CEP164: variants seen among roughly 807,000 people sequenced by gnomAD.
CEP164 encodes the protein centrosomal protein of 164 kDa.
A neutral mutation model predicts 182.7 loss-of-function variants in CEP164; 162 were observed. The ratio of observed to expected loss-of-function variants is 0.89; its 90% CI spans 0.78 to 1.01. The LOEUF is 1.01. Among genes scored for constraint, CEP164 ranks in the 50% least tolerant of loss-of-function variants. The probability of loss-of-function intolerance (pLI) is 0.00; values close to 1 mark genes in which losing one functional copy is unlikely to be tolerated. For missense variants in CEP164, 1,735 were observed against 1,790.4 expected, an observed-to-expected ratio of 0.97 and a Z score of 0.56; for synonymous variants, 661 against 690.0, an observed-to-expected ratio of 0.96 and a Z score of 0.66.
In CEP164 at chr11:117,361,804, G is replaced by T. The variant is rs1341775629; in HGVS notation, c.394-31G>T. The T allele has an allele frequency of 1.9e-6, 3 of 1,613,624 alleles. No homozygotes were observed. The African/African-American group carries it at 4.0e-5, about 22-fold the overall frequency. On this transcript the variant is annotated intron_variant, in intron 5 of 32. Transcript: ENST00000278935. ...CACTCCCAGAGCCACCTGGTTTCTT[G>T]AGTTGTAACAAGATGTTTTCTGTTG...
At chr11:117,325,174 TCTC>T, upstream of CEP164, among the ~76,000 whole-genome samples, 1 of 152,236 alleles carries the variant, frequency 6.6e-6, no homozygotes, top group Non-Finnish European at 1.5e-5. Context: ...AACCCCTGCC[TCTC>T]GGGTTCAAGC....
chr11:117,398,274 C>T (rs1355513189), intron 27 of CEP164, among the ~76,000 whole-genome samples: 2 of 152,236 alleles, frequency 1.3e-5, no homozygotes, highest in Admixed American at 6.5e-5. Context: ...GGCAGCTCCG[C>T]CCCTGTGGCT....
chr11:117,402,893 G>C (rs1450246487), intron 27 of CEP164, among the ~76,000 whole-genome samples: 2 of 152,140 alleles, frequency 1.3e-5, no homozygotes, highest in East Asian at 3.9e-4. Context: ...ATTTTGGATA[G>C]TTAGCTCTTC....
At chr11:117,368,184 G>A (rs1004502603) in intron 8 of CEP164, among the ~76,000 whole-genome samples, 3 of 152,202 alleles carry the variant, frequency 2.0e-5, no homozygotes, top group Non-Finnish European at 4.4e-5. Context: ...ATATGATGGG[G>A]AAGGCTCATT....
At chr11:117,334,313 C>CT (rs941355186) in intron 1 of CEP164, among the ~76,000 whole-genome samples, 4 of 152,160 alleles carry the variant, frequency 2.6e-5, no homozygotes, top group Non-Finnish European at 5.9e-5. Context: ...TTCCTTTTTT[C>CT]TTTAACTCAT....
intron 5 of CEP164, among the ~76,000 whole-genome samples, chr11:117,353,772 G>A (rs1421707243): frequency 6.6e-6 from 1 of 152,158 alleles, no homozygotes; most frequent in Non-Finnish European, 1.5e-5. Context: ...CTCACAGTCA[G>A]GTGGGGTTCA....
intron 12 of CEP164, 61 bp downstream of exon 12, chr11:117,380,766 G>C (rs1238604196): frequency 6.7e-7 from 1 of 1,492,918 alleles, no homozygotes; most frequent in Non-Finnish European, 9.1e-7. Flanking sequence ...GACTTGGGCA[G>C]AATTCTTGGC....
chr11:117,346,307 C>T lies in CEP164; in HGVS notation c.194+2030C>T, dbSNP rs908873016. Among the ~76,000 whole-genome samples, 20 of 150,682 alleles carry T rather than the reference C, an allele frequency of 1.3e-4. No individual in the cohort carries two copies. The South Asian group carries it at 2.7e-3, about 21-fold the overall frequency. On this transcript the variant is annotated intron_variant, in intron 4 of 32. Transcript: ENST00000278935. Reference sequence around the variant, plus strand: ...TTTTTGAGATGGAGTCTTGCTCTGTCGCCCAGGCTGGAGTGCAATGGCGCA... The same window carrying T: ...TTTTTGAGATGGAGTCTTGCTCTGTTGCCCAGGCTGGAGTGCAATGGCGCA...
chr11:117,322,403 C>T (rs1041561726), intron 1 of CEP164, among the ~76,000 whole-genome samples: 6 of 152,150 alleles, frequency 3.9e-5, no homozygotes, highest in Non-Finnish European at 5.9e-5. Context: ...CGTGAGCCAC[C>T]GCGCCCGGCC....
At position 117,387,425 on chromosome 11, in the gene CEP164, C is replaced by T; in HGVS notation, c.1934+13C>T. The T allele has an allele frequency of 1.2e-6, 2 of 1,613,248 alleles. No homozygotes were observed. Among genetic ancestry groups the T allele is most frequent in the Middle Eastern group, 1.7e-4 (1 of 6,054 alleles). On this transcript the variant is annotated intron_variant, in intron 15 of 32. Coordinates refer to ENST00000278935, the MANE Select transcript of CEP164 (RefSeq NM_014956.5). ...AGCAATCTCTCAGGTCCTGCCCTTC[C>T]CCTTAGGCATGCTTCCTGGGGCCTT...
rs1404801836 is a variant in CEP164 at position 117,409,861 on chromosome 11, C to T, written c.3992C>T (p.Ser1331Phe). 1 of 1,613,194 alleles carries T rather than the reference C, an allele frequency of 6.2e-7. No homozygotes were observed. The highest frequency in any genetic ancestry group is 8.5e-7 in the Non-Finnish European group (1 of 1,179,844). ...FSALSSATPTSTQWAWDSGQG... is the reference protein window; with the variant it reads ...FSALSSATPTFTQWAWDSGQG... ...GCCTTATCATCTGCTACACCCACGTCCACCCAATGGGCCTGGGATTCAGGG... is the reference window on the plus strand; with the variant it reads ...GCCTTATCATCTGCTACACCCACGTTCACCCAATGGGCCTGGGATTCAGGG... Residue 1331 changes from serine (S) to phenylalanine (F), a missense_variant, in exon 30 of 33, where the codon TCC becomes TTC. Ser to Phe is a radical substitution (Grantham distance 155). Coordinates refer to ENST00000278935, the MANE Select transcript of CEP164 (RefSeq NM_014956.5). The surrounding 1 kb of genome is among the most constrained non-coding windows in gnomAD (Gnocchi z 4.4).
At chr11:117,396,004 C>T in intron 24 of CEP164, 50 bp from the exon 25 acceptor site, 1 of 1,610,844 alleles carries the variant, frequency 6.2e-7, no homozygotes, top group Admixed American at 1.7e-5. Flanking sequence ...TCACCCCTCC[C>T]CCCCATCGCC....
rs753512329 is a variant in CEP164 at position 117,396,530 on chromosome 11, T to A, written c.3217-20T>A. 14 of 1,610,244 alleles carry A rather than the reference T, an allele frequency of 8.7e-6. No individual in the cohort carries two copies. Among genetic ancestry groups the A allele is most frequent in the Non-Finnish European group, 1.0e-5 (12 of 1,176,470 alleles). On this transcript the variant is annotated intron_variant, in intron 25 of 32. Transcript: ENST00000278935. Reference sequence around the variant, plus strand: ...CTGCTTTTGCTACACTCAGTGGACTTTTCTACCATGTGTCCCTAGAACCAG... The same window carrying A: ...CTGCTTTTGCTACACTCAGTGGACTATTCTACCATGTGTCCCTAGAACCAG...
At chr11:117,406,643 CA>C (rs574646233) in intron 27 of CEP164, among the ~76,000 whole-genome samples, 118 of 152,310 alleles carry the variant, frequency 7.7e-4, no homozygotes, top group African/African-American at 2.8e-3. Flanking sequence ...ACACACTTAG[CA>C]AAAGGCTTTG....
At chr11:117,344,097 G>GA in intron 3 of CEP164, 69 bp from the exon 4 acceptor site, 1 of 839,714 alleles carries the variant, frequency 1.2e-6, no homozygotes, top group Non-Finnish European at 1.9e-6. Context: ...AGACAAAGTA[G>GA]AAAAAAGATT....
At chr11:117,375,469 C>A (rs1278648857) in intron 10 of CEP164, among the ~76,000 whole-genome samples, 1 of 152,194 alleles carries the variant, frequency 6.6e-6, no homozygotes, top group African/African-American at 2.4e-5. Context: ...ACAGTGAATA[C>A]CCACATACTC....
In CEP164 at chr11:117,408,970, C is replaced by T; in HGVS notation, c.3690C>T (p.Ser1230=). The T allele has an allele frequency of 6.2e-7, 1 of 1,614,102 alleles. No individual in the cohort carries two copies. Among genetic ancestry groups the T allele is most frequent in the Non-Finnish European group, 8.5e-7 (1 of 1,180,002 alleles). Residue 1230 remains serine, a synonymous_variant, in exon 29 of 33, where the codon AGC becomes AGT. Transcript: ENST00000278935. Reference sequence around the variant, plus strand: ...ACCTCAGTGACATGGACAGCCTGAGCAGTGAAAGTTCTGAATCTTTTTCCC... The same window carrying T: ...ACCTCAGTGACATGGACAGCCTGAGTAGTGAAAGTTCTGAATCTTTTTCCC... ...TFDLSDMDSL[S]SESSESFSPP... is the part of the protein sequence containing the mutation.
At position 117,411,039 on chromosome 11, in the gene CEP164, C is replaced by A. The variant is rs1379681842; in HGVS notation, c.4163+145C>A. 3 of 706,836 alleles carry A rather than the reference C, an allele frequency of 4.2e-6. No homozygotes were observed. Among genetic ancestry groups the A allele is most frequent in the Admixed American group, 2.3e-5 (1 of 43,766 alleles). The allele number at this position is 706,836 out of a possible 1,614,324, so 43.8% of individuals were successfully genotyped here. ...GCAGGCCTCTAGTCCACAGAGCTGT[C>A]CCCGCTTGCCTGGGTCTGAGGCGCC... On this transcript the variant is annotated intron_variant, in intron 31 of 32. Coordinates refer to ENST00000278935, the MANE Select transcript of CEP164 (RefSeq NM_014956.5). The surrounding 1 kb of genome is among the most constrained non-coding windows in gnomAD (Gnocchi z 4.4).
chr11:117,381,771 C>T lies in CEP164; in HGVS notation c.1480C>T (p.Pro494Ser), dbSNP rs114396665. 8 of 1,603,380 alleles carry T rather than the reference C, an allele frequency of 5.0e-6. No homozygotes were observed. Among genetic ancestry groups the T allele is most frequent in the Non-Finnish European group, 6.0e-6 (7 of 1,174,890 alleles). ...PPRSLATEEE[P>S]PQGPEGQPEW... is the part of the protein sequence containing the mutation. The stretch of plus-strand genomic sequence containing the variant: ...TCGCAGCCTGGCCACTGAAGAAGAG[C>T]CTCCCCAGGGCCCCGAGGGGCAGCC... Residue 494 changes from proline (P) to serine (S), a missense_variant, in exon 13 of 33, where the codon CCT becomes TCT. Physicochemically the swap from Pro to Ser is moderately conservative, Grantham distance 74. Transcript: ENST00000278935.
Sources: gnomAD v4.1 joint callset for allele counts (sites outside exome capture counted in the v4.1 genomes callset) on GRCh38, gnomAD v4.1.1 for gene constraint, Gnocchi (gnomAD v3.1) non-coding constraint, MANE v1.5 for transcripts, NCBI Gene and HGNC (gene_info 2026-07-23, HGNC 2026-07-21) for gene names.